Variants in TMEM255B observed in about 807,000 individuals in gnomAD.
TMEM255B encodes the protein family with sequence similarity 70, member B.
TMEM255B carries 35 observed loss-of-function variants against 34.5 expected under a neutral mutation model. The observed-to-expected ratio is 1.01, with a 90% CI of 0.77 to 1.34. The LOEUF is 1.34. Among genes scored for constraint, TMEM255B ranks in the 40% most tolerant of loss-of-function variants. TMEM255B has a pLI of 0.00. For synonymous variants in TMEM255B, 206 were observed against 201.2 expected (o/e 1.02, Z -0.20); for missense variants, 432 against 433.2 (o/e 1.00, Z 0.02).
chr13:113,781,352 T>A (rs1400817662), intron 3 of TMEM255B, among the ~76,000 whole-genome samples: 1 of 152,220 alleles, frequency 6.6e-6, no homozygotes, highest in Non-Finnish European at 1.5e-5. Context: ...TAAACCTTCA[T>A]TTTTATTTTA....
chr13:113,783,326 T>C (rs555981167), intron 3 of TMEM255B, among the ~76,000 whole-genome samples: 1 of 152,344 alleles, frequency 6.6e-6, no homozygotes, highest in East Asian at 1.9e-4. Context: ...AAGTCCAATC[T>C]GGATCTCTAC....
At chr13:113,788,040 C>T (rs7339235) in intron 3 of TMEM255B, among the ~76,000 whole-genome samples, 18,328 of 72,176 alleles carry the variant, frequency 0.25, 3,474 homozygotes, top group African/African-American at 0.52. Context: ...GAGGGGAAGG[C>T]GGAGGGAGTG....
At chr13:113,762,590 A>G (rs1029145679) in intron 1 of TMEM255B, among the ~76,000 whole-genome samples, 1 of 152,228 alleles carries the variant, frequency 6.6e-6, no homozygotes, top group Non-Finnish European at 1.5e-5. Context: ...ACGTGGTTTC[A>G]GAGGAGATGT....
At chr13:113,799,453 G>C (rs761975395) in intron 5 of TMEM255B, 34 bp downstream of exon 5, 8 of 1,604,472 alleles carry the variant, frequency 5.0e-6, no homozygotes, top group Non-Finnish European at 6.8e-6. Flanking sequence ...TGTGGGTTTT[G>C]CTCAGCTAAC....
chr13:113,801,534 G>A, intron 6 of TMEM255B, 119 bp from the exon 7 acceptor site: 1 of 1,206,326 alleles, frequency 8.3e-7, no homozygotes. Context: ...GGCGTTGACT[G>A]GGCTCCAGCC....
At position 113,766,120 on chromosome 13, in the gene TMEM255B, C is replaced by T. The variant is rs2050383863; in HGVS notation, c.52C>T (p.Leu18Phe). The stretch of plus-strand genomic sequence containing the variant: ...CCTCGCCTTCCTCCCCACAGAAGGG[C>T]TTTCGAGGAGGAAGAAGACGTCGCT... Reference protein sequence around the residue: ...PLGLLDPAEGLSRRKKTSLWF... With the variant: ...PLGLLDPAEGFSRRKKTSLWF... The change falls in exon 2 of 9, where the codon CTT (leucine) becomes TTT (phenylalanine). Residue 18 changes from leucine to phenylalanine, a missense_variant. Leu to Phe is a conservative substitution (Grantham distance 22). Transcript: ENST00000375353. 1.2e-6 allele frequency: 2 copies of T among 1,614,166 alleles called. No homozygotes were observed. The highest frequency in any genetic ancestry group is 1.7e-6 in the Non-Finnish European group (2 of 1,180,042).
chr13:113,762,582 G>A lies in TMEM255B; in HGVS notation c.46+3267G>A, dbSNP rs117643518. 7.4e-4 allele frequency among the ~76,000 whole-genome samples: 113 copies of A among 152,320 alleles called. 2 individuals are homozygous for A. The East Asian group carries it at 0.02, about 27-fold the overall frequency. ...GAAAATGGTTTGTAGGAGGATTTAC[G>A]TGGTTTCAGAGGAGATGTGTCTAAC... On this transcript the variant is annotated intron_variant, in intron 1 of 8. Transcript: ENST00000375353.
At chr13:113,798,569 G>A (rs995949270) in intron 4 of TMEM255B, among the ~76,000 whole-genome samples, 2 of 151,112 alleles carry the variant, frequency 1.3e-5, no homozygotes, top group Non-Finnish European at 2.9e-5. Context: ...ATGATGGATG[G>A]ATACATAGAA....
At chr13:113,795,643 A>G (rs371137856) in intron 4 of TMEM255B, among the ~76,000 whole-genome samples, 2,688 of 148,402 alleles carry the variant, frequency 0.018, 26 homozygotes, top group South Asian at 0.044. Flanking sequence ...CACAGAGCAC[A>G]CAGCACACAC....
At chr13:113,773,084 G>A (rs1287369505) in intron 3 of TMEM255B, among the ~76,000 whole-genome samples, 5 of 152,170 alleles carry the variant, frequency 3.3e-5, no homozygotes, top group Non-Finnish European at 5.9e-5. Context: ...ACAATGTTTT[G>A]TAGTTCTTAG....
At chr13:113,799,896 C>T (rs1389322291) in intron 5 of TMEM255B, 6 of 1,184,174 alleles carry the variant, frequency 5.1e-6, no homozygotes, top group Admixed American at 2.3e-5. Flanking sequence ...AGCTCTGTGA[C>T]GGCGCTCTCT....
intron 5 of TMEM255B, 185 bp downstream of exon 5, chr13:113,799,604 A>G (rs2051005451): frequency 3.1e-6 from 2 of 642,540 alleles, no homozygotes; most frequent in Non-Finnish European, 5.6e-6. Flanking sequence ...GATGTGCTGT[A>G]TTTCACTCTG....
At chr13:113,809,212 C>T (rs2051252490) in intron 8 of TMEM255B, among the ~76,000 whole-genome samples, 1 of 129,756 alleles carries the variant, frequency 7.7e-6, no homozygotes, top group Admixed American at 8.4e-5. Flanking sequence ...GGGGTTTACT[C>T]CATGGTTCTT....
chr13:113,807,242 G>A (rs926165054), intron 8 of TMEM255B, among the ~76,000 whole-genome samples: 4 of 152,232 alleles, frequency 2.6e-5, no homozygotes, highest in Admixed American at 1.3e-4. Context: ...TGAGCCCCAC[G>A]GAGGTGTAAG....
chr13:113,799,168 G>T (rs944481133), intron 4 of TMEM255B, among the ~76,000 whole-genome samples, 171 bp from the exon 5 acceptor site: 2 of 152,228 alleles, frequency 1.3e-5, no homozygotes, highest in Non-Finnish European at 2.9e-5. Flanking sequence ...CAGCTGCTCT[G>T]CAGGGAGCGT....
intron 3 of TMEM255B, among the ~76,000 whole-genome samples, chr13:113,773,404 C>T (rs1464372496): frequency 3.9e-5 from 6 of 152,202 alleles, no homozygotes; most frequent in African/African-American, 1.4e-4. Flanking sequence ...TCTTCCTTTA[C>T]AATCTGGATG....
intron 2 of TMEM255B, 200 bp from the exon 3 acceptor site, chr13:113,768,898 C>T: frequency 1.5e-6 from 1 of 675,736 alleles, no homozygotes. Context: ...GAAGACAGGA[C>T]AGGTGATGTT....
At chr13:113,764,995 G>T (rs1273559983) in intron 1 of TMEM255B, among the ~76,000 whole-genome samples, 2 of 152,248 alleles carry the variant, frequency 1.3e-5, no homozygotes, top group Non-Finnish European at 2.9e-5. Context: ...GACGGGGGCA[G>T]CCTGGCTGGC....
chr13:113,773,320 A>C (rs2050506924), intron 3 of TMEM255B, among the ~76,000 whole-genome samples: 1 of 152,230 alleles, frequency 6.6e-6, no homozygotes, highest in Admixed American at 6.5e-5. Flanking sequence ...TCTTTGTTCT[A>C]GTAGTTCTTT....
Sources: allele counts gnomAD v4.1 joint callset (sites outside exome capture counted in the v4.1 genomes callset), GRCh38; gene constraint gnomAD v4.1.1; transcripts MANE v1.5; gene names NCBI Gene and HGNC (gene_info 2026-07-23, HGNC 2026-07-21).